The following GALNT13 variants were observed in gnomAD, a reference collection of about 807,000 sequenced individuals.
GALNT13 encodes polypeptide N-acetylgalactosaminyltransferase 13, also known as UDP-GalNAc:polypeptide N-acetylgalactosaminyltransferase 13.
A neutral mutation model predicts 64.2 loss-of-function variants in GALNT13; 28 were observed. The ratio of observed to expected loss-of-function variants is 0.44; its 90% CI spans 0.32 to 0.60. The LOEUF (loss-of-function observed/expected upper bound fraction) is 0.60, where lower values mean the gene tolerates loss of function less well. Ranked by LOEUF, GALNT13 falls within the 20% of genes least tolerant of loss-of-function variation. The pLI is 0.05. For missense variants in GALNT13, 577 were observed against 669.8 expected (o/e 0.86, Z 1.53); for synonymous variants, 214 against 224.6 (o/e 0.95, Z 0.42).
chr2:154,414,089 T>C (rs1470630449), intron 11 of GALNT13, among the ~76,000 whole-genome samples: 1 of 152,050 alleles, frequency 6.6e-6, no homozygotes, highest in African/African-American at 2.4e-5. Context: ...AATTTCCTTG[T>C]AGCTAAAATC....
At chr2:153,566,319 T>C in the GALNT13 span, among the ~76,000 whole-genome samples, 1 of 150,468 alleles carries the variant, frequency 6.6e-6, no homozygotes, top group African/African-American at 2.4e-5. Flanking sequence ...TGTTGCATGT[T>C]AGAAATATCT....
At chr2:153,372,644 C>CAAA in the GALNT13 span, among the ~76,000 whole-genome samples, 1 of 130,194 alleles carries the variant, frequency 7.7e-6, no homozygotes, top group Non-Finnish European at 1.7e-5. Flanking sequence ...GACTCTGTCT[C>CAAA]AAAAAAAAAA....
intron 4 of GALNT13, among the ~76,000 whole-genome samples, chr2:154,174,640 T>A (rs1207327534): frequency 6.6e-6 from 1 of 152,196 alleles, no homozygotes; most frequent in Non-Finnish European, 1.5e-5. Context: ...TTAGGTTTAC[T>A]TAAAGATATA....
chr2:154,222,571 G>T (rs115120142), intron 4 of GALNT13, among the ~76,000 whole-genome samples: 3 of 152,124 alleles, frequency 2.0e-5, no homozygotes, highest in Non-Finnish European at 4.4e-5. Flanking sequence ...GGTGAACTGT[G>T]TAGAACCTTT....
chr2:153,843,487 A>G, the GALNT13 span, among the ~76,000 whole-genome samples: 1 of 152,190 alleles, frequency 6.6e-6, no homozygotes, highest in Non-Finnish European at 1.5e-5. Context: ...TTACATCTCA[A>G]CATGAGATTT....
the GALNT13 span, among the ~76,000 whole-genome samples, chr2:153,472,843 C>A: frequency 2.2e-4 from 33 of 152,254 alleles, 1 homozygote; most frequent in East Asian, 6.2e-3. Flanking sequence ...ATGCAAGCCA[C>A]TGTTTGCAAT....
rs553259906 is a variant in GALNT13 at position 154,333,429 on chromosome 2, G to A, written c.1156+31840G>A. Among the ~76,000 whole-genome samples the A allele has an allele frequency of 2.0e-5, 3 of 152,118 alleles. No individual in the cohort carries two copies. In the South Asian group the frequency reaches 6.2e-4, roughly 32 times the overall value. On this transcript the variant is annotated intron_variant, in intron 9 of 12. Coordinates refer to ENST00000392825, the MANE Select transcript of GALNT13 (RefSeq NM_052917.4). ...ATTCTAGTCCTGCGTTAAAGAACAT[G>A]TATAACTCTTTTATCTAGAAAGCTT...
At chr2:153,898,856 C>CAAAAAAAAAAAA (rs35168611) in intron 1 of GALNT13, among the ~76,000 whole-genome samples, 1 of 99,366 alleles carries the variant, frequency 1.0e-5, no homozygotes, top group Non-Finnish European at 2.1e-5. Flanking sequence ...AGTTGCACAG[C>CAAAAAAAAAAAA]AAAAAAAAAA....
At chr2:153,163,847 A>G in the GALNT13 span, among the ~76,000 whole-genome samples, 1,758 of 151,704 alleles carry the variant, frequency 0.012, 25 homozygotes, top group African/African-American at 0.034. Flanking sequence ...GTGAAACCCC[A>G]TCTCTACTAA....
At chr2:153,995,624 A>G (rs981217498) in intron 3 of GALNT13, among the ~76,000 whole-genome samples, 6 of 152,046 alleles carry the variant, frequency 3.9e-5, no homozygotes, top group African/African-American at 1.4e-4. Context: ...TGTAGTTTTG[A>G]TCTATCCCTC....
chr2:154,118,593 C>G (rs1484743585), intron 3 of GALNT13, among the ~76,000 whole-genome samples: 1 of 150,514 alleles, frequency 6.6e-6, no homozygotes, highest in African/African-American at 2.4e-5. Context: ...TTTTCTTTCT[C>G]TCTTGCAGTC....
chr2:153,488,936 A>G, the GALNT13 span, among the ~76,000 whole-genome samples: 1 of 152,240 alleles, frequency 6.6e-6, no homozygotes, highest in African/African-American at 2.4e-5. Context: ...GTGTGAGGAC[A>G]TAGCAAGCAT....
At chr2:153,595,091 T>A in the GALNT13 span, among the ~76,000 whole-genome samples, 16 of 152,084 alleles carry the variant, frequency 1.1e-4, no homozygotes, top group Admixed American at 2.6e-4. Context: ...TGTTAATATA[T>A]TGTGGCATGG....
chr2:154,033,262 C>T (rs540787952), intron 3 of GALNT13, among the ~76,000 whole-genome samples: 1 of 151,856 alleles, frequency 6.6e-6, no homozygotes, highest in South Asian at 2.1e-4. Flanking sequence ...TGGAGTTCAA[C>T]AAATTCTTAG....
At chr2:154,170,809 T>C (rs1288406819) in intron 4 of GALNT13, among the ~76,000 whole-genome samples, 1 of 152,156 alleles carries the variant, frequency 6.6e-6, no homozygotes, top group Non-Finnish European at 1.5e-5. Context: ...TATTAAAATG[T>C]CCCTACAATA....
chr2:153,461,832 C>T, the GALNT13 span, among the ~76,000 whole-genome samples: 1 of 152,108 alleles, frequency 6.6e-6, no homozygotes, highest in Non-Finnish European at 1.5e-5. Context: ...TGTGCTCCTC[C>T]CTAAGCCTTC....
intron 3 of GALNT13, among the ~76,000 whole-genome samples, chr2:153,947,368 A>AT (rs1349607800): frequency 6.6e-6 from 1 of 150,444 alleles, no homozygotes; most frequent in East Asian, 1.9e-4. Context: ...CCATATAATG[A>AT]TTTTTTGCTC....
At chr2:153,892,387 T>C (rs1687611249) in intron 1 of GALNT13, among the ~76,000 whole-genome samples, 1 of 152,066 alleles carries the variant, frequency 6.6e-6, no homozygotes. Context: ...TCTCTTGCAA[T>C]GATAATCTCT....
At chr2:153,852,486 A>G in the GALNT13 span, among the ~76,000 whole-genome samples, 3 of 152,236 alleles carry the variant, frequency 2.0e-5, no homozygotes, top group African/African-American at 4.8e-5. Context: ...TATGTATTTA[A>G]TAAGAGAGAT....
Sources: allele counts gnomAD v4.1 joint callset (sites outside exome capture counted in the v4.1 genomes callset), GRCh38; gene constraint gnomAD v4.1.1; transcripts MANE v1.5; gene names NCBI Gene and HGNC (gene_info 2026-07-23, HGNC 2026-07-21).